Variants in RYK observed in about 807,000 individuals in gnomAD.
RYK encodes the protein inactive tyrosine-protein kinase RYK.
In RYK, 21 loss-of-function variants were observed where a neutral mutation model predicts 70.2. The ratio of observed to expected loss-of-function variants is 0.30; its 90% CI spans 0.21 to 0.43. The LOEUF (loss-of-function observed/expected upper bound fraction) is 0.43. Ranked by LOEUF, RYK falls within the 20% of genes least tolerant of loss-of-function variation. The pLI is 1.00. For missense variants in RYK, 604 were observed against 753.3 expected, an observed-to-expected ratio of 0.80 and a Z score of 2.32; for synonymous variants, 267 against 278.0, an observed-to-expected ratio of 0.96 and a Z score of 0.39.
intron 1 of RYK, among the ~76,000 whole-genome samples, chr3:134,234,133 G>A (rs554426160): frequency 6.6e-6 from 1 of 151,988 alleles, no homozygotes; most frequent in Non-Finnish European, 1.5e-5. Context: ...CAATAAAAGT[G>A]TTCAAAAACA....
intron 5 of RYK, among the ~76,000 whole-genome samples, chr3:134,206,794 T>C (rs2014224852): frequency 6.6e-6 from 1 of 152,150 alleles, no homozygotes; most frequent in Admixed American, 6.5e-5. Context: ...AAAGTGTTGA[T>C]CATTACTGAG....
chr3:134,173,355 T>G lies in RYK; in HGVS notation c.1575+2254A>C, dbSNP rs2012987046. On this transcript the variant is annotated intron_variant, in intron 13 of 14. Coordinates refer to ENST00000623711, the MANE Select transcript of RYK (RefSeq NM_002958.4). ...AAGTGAACACATTTTATCAAAATAC[T>G]TGGTATGTAAAAGGAGCAATATATC... Among the ~76,000 whole-genome samples, 3 of 152,280 alleles carry G rather than the reference T, an allele frequency of 2.0e-5. No individual in the cohort carries two copies. The South Asian group carries it at 6.2e-4, about 32-fold the overall frequency.
intron 6 of RYK, among the ~76,000 whole-genome samples, chr3:134,200,230 A>G (rs2013960353): frequency 6.6e-6 from 1 of 152,080 alleles, no homozygotes; most frequent in South Asian, 2.1e-4. Context: ...GGTCCGCACT[A>G]CCTTTATGAG....
rs141727188 is a variant in RYK at position 134,200,270 on chromosome 3, C to T, written c.788+2460G>A. Among the ~76,000 whole-genome samples the T allele has an allele frequency of 3.1e-3, 479 of 152,302 alleles. 1 individual carries two copies. The highest frequency in any genetic ancestry group is 0.011 in the African/African-American group (445 of 41,558). The stretch of plus-strand genomic sequence containing the variant: ...AACACTGCGAAGGTCTGCAGCTTCA[C>T]TCCTAAAGCCAGTGAGACCACGAAC... On this transcript the variant is annotated intron_variant, in intron 6 of 14. Transcript: ENST00000623711.
In RYK at chr3:134,188,817, C is replaced by G. The variant is rs1457649101; in HGVS notation, c.1102+20G>C. ...GAGACAGAAGAGCATCATGGAAATACTATGGAAAAAAGATCCTACCTTTAA... is the reference window on the plus strand; with the variant it reads ...GAGACAGAAGAGCATCATGGAAATAGTATGGAAAAAAGATCCTACCTTTAA... On this transcript the variant is annotated intron_variant, in intron 9 of 14. Transcript: ENST00000623711. 1 of 1,436,424 alleles carries G rather than the reference C, an allele frequency of 7.0e-7. No individual in the cohort carries two copies. Among genetic ancestry groups the G allele is most frequent in the Admixed American group, 1.9e-5 (1 of 53,064 alleles). The allele number at this position is 1,436,424 out of a possible 1,614,324, so 89.0% of individuals were successfully genotyped here. A position where few individuals can be genotyped will look rare whatever the true frequency, so the allele number is the denominator to read the frequency against.
chr3:134,222,218 C>T (rs2014761253), intron 2 of RYK, among the ~76,000 whole-genome samples, 200 bp downstream of exon 2: 1 of 152,158 alleles, frequency 6.6e-6, no homozygotes, highest in South Asian at 2.1e-4. Flanking sequence ...AAATGATAGC[C>T]ACCTTCGTTT....
At chr3:134,208,247 A>T (rs1247868942) in intron 4 of RYK, among the ~76,000 whole-genome samples, 16 of 152,246 alleles carry the variant, frequency 1.1e-4, no homozygotes. Flanking sequence ...GGTGGGATCC[A>T]GAGGCCACAC....
chr3:134,159,474 A>C, intron 13 of RYK, 101 bp from the exon 14 acceptor site: 186 of 1,151,064 alleles, frequency 1.6e-4, no homozygotes, highest in Non-Finnish European at 2.0e-4. Context: ...AGCTCAACTC[A>C]TGCTTTGGAA....
chr3:134,170,232 C>T (rs2012854002), intron 13 of RYK, among the ~76,000 whole-genome samples: 1 of 152,174 alleles, frequency 6.6e-6, no homozygotes, highest in Non-Finnish European at 1.5e-5. Context: ...AATGTGAGCA[C>T]TTTCTAGGAG....
chr3:134,232,036 C>T (rs1277436814), intron 1 of RYK, among the ~76,000 whole-genome samples: 2 of 152,196 alleles, frequency 1.3e-5, no homozygotes, highest in Non-Finnish European at 2.9e-5. Flanking sequence ...TTCTCATGGA[C>T]AGCAGCAATA....
chr3:134,239,054 G>A (rs150810773), intron 1 of RYK, among the ~76,000 whole-genome samples: 2 of 152,288 alleles, frequency 1.3e-5, no homozygotes, highest in Non-Finnish European at 2.9e-5. Context: ...GATGGGTGCA[G>A]TGATACAGGT....
intron 13 of RYK, 74 bp downstream of exon 13, chr3:134,175,535 T>A (rs2013067452): frequency 6.6e-7 from 1 of 1,525,802 alleles, no homozygotes; most frequent in East Asian, 2.3e-5. Context: ...ACCCAAAAGA[T>A]AAAAATAGTA....
At chr3:134,235,239 C>T (rs1032692269) in intron 1 of RYK, among the ~76,000 whole-genome samples, 1 of 151,868 alleles carries the variant, frequency 6.6e-6, no homozygotes, top group African/African-American at 2.4e-5. Flanking sequence ...AAAGAAAAAA[C>T]AAGAACATGA....
At chr3:134,239,635 TG>T (rs919296095) in intron 1 of RYK, among the ~76,000 whole-genome samples, 1 of 152,214 alleles carries the variant, frequency 6.6e-6, no homozygotes, top group African/African-American at 2.4e-5. Context: ...TGAATTTTTT[TG>T]TAAGTATGAT....
chr3:134,191,790 G>C (rs985687139), intron 8 of RYK, 59 bp downstream of exon 8: 6 of 1,385,812 alleles, frequency 4.3e-6, no homozygotes, highest in African/African-American at 3.0e-5. Context: ...TTTGAAAAAA[G>C]TGTCTATAGT....
chr3:134,236,326 A>G (rs2015199980), intron 1 of RYK, among the ~76,000 whole-genome samples: 1 of 152,202 alleles, frequency 6.6e-6, no homozygotes. Context: ...ACAATCCAAA[A>G]AGGAAATTAG....
intron 1 of RYK, among the ~76,000 whole-genome samples, chr3:134,238,886 G>C (rs1476939921): frequency 6.6e-6 from 1 of 152,180 alleles, no homozygotes. Context: ...ATTAGAAATT[G>C]TATTTCCTAG....
At chr3:134,193,346 G>C (rs1341074415) in intron 7 of RYK, among the ~76,000 whole-genome samples, 1 of 152,108 alleles carries the variant, frequency 6.6e-6, no homozygotes, top group Non-Finnish European at 1.5e-5. Context: ...ACCACACCCA[G>C]CTAATTTTTT....
Position 134,250,602 on chromosome 3 carries a change from G to GC in RYK, c.52dup (p.Ala18GlyfsTer63). The GC allele has an allele frequency of 9.5e-7, 1 of 1,052,094 alleles. No homozygotes were observed. Among genetic ancestry groups the GC allele is most frequent in the Non-Finnish European group, 1.2e-6 (1 of 868,952 alleles). 65.2% of individuals were successfully genotyped at this position (1,052,094 alleles called of 1,614,324 possible). A position where few individuals can be genotyped will look rare whatever the true frequency, so the allele number is the denominator to read the frequency against. The stretch of plus-strand genomic sequence containing the variant: ...CGGCGGCGGGGCCCTCAGGCCGCGG[G>GC]CCCCCGGGAGGCAACTCCGGCCCGG... On this transcript the variant is annotated frameshift_variant, in exon 1 of 15. Coordinates refer to ENST00000623711, the MANE Select transcript of RYK (RefSeq NM_002958.4). LOFTEE classifies it high-confidence loss of function.
Sources: allele counts gnomAD v4.1 joint callset (sites outside exome capture counted in the v4.1 genomes callset), GRCh38; gene constraint gnomAD v4.1.1; transcripts MANE v1.5; gene names NCBI Gene and HGNC (gene_info 2026-07-23, HGNC 2026-07-21).